The following SGMS2 variants were observed in gnomAD, a reference collection of about 807,000 sequenced individuals.
The protein encoded by SGMS2 is sphingomyelin synthase 2.
In SGMS2, 21 loss-of-function variants were observed where a neutral mutation model predicts 43.8. The ratio of observed to expected loss-of-function variants is 0.48; its 90% confidence interval spans 0.34 to 0.69. SGMS2 has a LOEUF of 0.69. Among genes scored for constraint, SGMS2 ranks in the 30% least tolerant of loss-of-function variants. The pLI is 0.01. For synonymous variants in SGMS2, 167 were observed against 160.6 expected, an observed-to-expected ratio of 1.04 and a Z score of -0.30; for missense variants, 384 against 443.2, an observed-to-expected ratio of 0.87 and a Z score of 1.20.
At chr4:107,883,443 T>TA (rs1455611749) in intron 2 of SGMS2, among the ~76,000 whole-genome samples, 1 of 152,210 alleles carries the variant, frequency 6.6e-6, no homozygotes, top group African/African-American at 2.4e-5. Context: ...GCCTCCCAAG[T>TA]AGCTGGGACT....
At chr4:107,880,384 G>C (rs6854068) in intron 2 of SGMS2, among the ~76,000 whole-genome samples, 91,136 of 151,932 alleles carry the variant, frequency 0.6, 27,772 homozygotes, top group African/African-American at 0.68. Context: ...TTGGTAAGCA[G>C]TGGATCTCCT....
In SGMS2 at chr4:107,895,486, A is replaced by C. The variant is rs1578638013; in HGVS notation, c.-68A>C. 5.4e-6 allele frequency: 8 copies of C among 1,492,286 alleles called. No homozygotes were observed. The East Asian group carries it at 1.6e-4, about 30-fold the overall frequency. 92.4% of individuals were successfully genotyped at this position (1,492,286 alleles called of 1,614,324 possible). A position where few individuals can be genotyped will look rare whatever the true frequency, so the allele number is the denominator to read the frequency against. On this transcript the variant is annotated 5_prime_UTR_variant, in exon 3 of 7. Transcript: ENST00000690982. ...TTGATCTTGGAAATAGAAGGATTGA[A>C]AAAAGCTAAATTTCCACAAAGAACA...
chr4:107,849,026 T>G (rs1201605736), intron 1 of SGMS2, among the ~76,000 whole-genome samples: 1 of 151,852 alleles, frequency 6.6e-6, no homozygotes, highest in Non-Finnish European at 1.5e-5. Flanking sequence ...CTAGATTCAT[T>G]TTTTTTTACA....
chr4:107,875,754 T>A (rs1728870871), intron 2 of SGMS2, among the ~76,000 whole-genome samples: 1 of 152,226 alleles, frequency 6.6e-6, no homozygotes, highest in Admixed American at 6.5e-5. Flanking sequence ...GTTTATTACT[T>A]CATTTGTGGA....
intron 3 of SGMS2, among the ~76,000 whole-genome samples, chr4:107,898,922 A>G (rs1456363772): frequency 6.6e-6 from 1 of 152,194 alleles, no homozygotes; most frequent in African/African-American, 2.4e-5. Context: ...CAGCTTACAC[A>G]TTCACTATTA....
intron 1 of SGMS2, among the ~76,000 whole-genome samples, chr4:107,830,103 TC>T (rs1725805313): frequency 6.6e-6 from 1 of 152,168 alleles, no homozygotes; most frequent in Admixed American, 6.5e-5. Context: ...AGTGTTTAGC[TC>T]CCACTTATAA....
rs1732047649 is a variant in SGMS2 at position 107,910,616 on chromosome 4, T to C, written c.*63T>C. Reference sequence around the variant, plus strand: ...GTTAACGCTGTAACCAAAGGTATAGTTTTGTTTTTTATTTTAGGAGAACTG... The same window carrying C: ...GTTAACGCTGTAACCAAAGGTATAGCTTTGTTTTTTATTTTAGGAGAACTG... On this transcript the variant is annotated 3_prime_UTR_variant, in exon 7 of 7. Coordinates refer to ENST00000690982, the MANE Select transcript of SGMS2 (RefSeq NM_001375905.1). The C allele has an allele frequency of 6.7e-7, 1 of 1,499,798 alleles. No individual in the cohort carries two copies. Among genetic ancestry groups the C allele is most frequent in the African/African-American group, 1.4e-5 (1 of 70,746 alleles). The allele number at this position is 1,499,798 out of a possible 1,614,324, so 92.9% of individuals were successfully genotyped here. A position where few individuals can be genotyped will look rare whatever the true frequency, so the allele number is the denominator to read the frequency against.
At chr4:107,871,839 T>G (rs1728576938) in intron 2 of SGMS2, among the ~76,000 whole-genome samples, 2 of 152,194 alleles carry the variant, frequency 1.3e-5, no homozygotes, top group South Asian at 4.1e-4. Context: ...GCTTTAACTT[T>G]TATGTCTCCA....
chr4:107,913,060 A>C lies in SGMS2; in HGVS notation c.*2507A>C, dbSNP rs972301769. On this transcript the variant is annotated 3_prime_UTR_variant, in exon 7 of 7. Transcript: ENST00000690982. ...GATATATATATAAACTGAAGATATA[A>C]AACAAGTATGATCTTGCCTTTGAAA... The C allele has an allele frequency of 6.6e-6, 1 of 152,208 alleles. No individual in the cohort carries two copies. Among genetic ancestry groups the C allele is most frequent in the Non-Finnish European group, 1.5e-5 (1 of 68,042 alleles). 9.4% of individuals were successfully genotyped at this position (152,208 alleles called of 1,614,324 possible).
In SGMS2 at chr4:107,834,154, T is replaced by C. The variant is rs1001208099; in HGVS notation, c.-327+8901T>C. Among the ~76,000 whole-genome samples, 6 of 152,360 alleles carry C rather than the reference T, an allele frequency of 3.9e-5. No individual in the cohort carries two copies. In the East Asian group the frequency reaches 9.6e-4, roughly 24 times the overall value. ...AACAAATACAGAGCAATCTGTGTTT[T>C]GATTTGTTCCTTATGCCAGTCCTAG... On this transcript the variant is annotated intron_variant, in intron 1 of 6. Coordinates refer to ENST00000690982, the MANE Select transcript of SGMS2 (RefSeq NM_001375905.1).
intron 1 of SGMS2, among the ~76,000 whole-genome samples, chr4:107,851,875 C>T (rs1727164500): frequency 6.6e-6 from 1 of 151,966 alleles, no homozygotes; most frequent in African/African-American, 2.4e-5. Flanking sequence ...CTATATTTAA[C>T]TGGAGAGGCT....
At chr4:107,840,938 C>A (rs1223195330) in intron 1 of SGMS2, among the ~76,000 whole-genome samples, 4 of 152,310 alleles carry the variant, frequency 2.6e-5, no homozygotes, top group Admixed American at 2.6e-4. Context: ...CAAGCAAGCA[C>A]ATATTTTGTG....
chr4:107,843,783 A>G (rs1212997834), intron 1 of SGMS2, among the ~76,000 whole-genome samples: 1 of 152,202 alleles, frequency 6.6e-6, no homozygotes, highest in Admixed American at 6.5e-5. Flanking sequence ...AGCCCATTGA[A>G]TTCTAGATGT....
At chr4:107,875,874 C>T (rs1728878936) in intron 2 of SGMS2, among the ~76,000 whole-genome samples, 1 of 152,074 alleles carries the variant, frequency 6.6e-6, no homozygotes, top group South Asian at 2.1e-4. Flanking sequence ...TTAATGAAGA[C>T]CCTGCTCTAC....
intron 2 of SGMS2, among the ~76,000 whole-genome samples, chr4:107,892,366 A>G (rs1730303922): frequency 6.6e-6 from 1 of 152,044 alleles, no homozygotes; most frequent in South Asian, 2.1e-4. Flanking sequence ...GGTTTAAGCC[A>G]TAAAGATAGC....
chr4:107,894,805 G>T (rs140669323), intron 2 of SGMS2, among the ~76,000 whole-genome samples: 2 of 152,096 alleles, frequency 1.3e-5, no homozygotes, highest in African/African-American at 4.8e-5. Flanking sequence ...CACTTAAAAA[G>T]ACTTCTGTTT....
At chr4:107,885,833 A>G (rs552923627) in intron 2 of SGMS2, among the ~76,000 whole-genome samples, 6 of 152,334 alleles carry the variant, frequency 3.9e-5, no homozygotes, top group African/African-American at 1.4e-4. Context: ...TAAAAATATG[A>G]TCACTTACTT....
In SGMS2 at chr4:107,895,921, G is replaced by T; in HGVS notation, c.368G>T (p.Arg123Met). 6.2e-7 allele frequency: 1 copy of T among 1,613,940 alleles called. No homozygotes were observed. The highest frequency in any genetic ancestry group is 8.5e-7 in the Non-Finnish European group (1 of 1,179,922). ...GACAAGTTTTTTGATTACATTGATA[G>T]GGTGAAATGGGCATTTTCTGTATCA... The part of the protein sequence containing the change: ...LPDKFFDYID[R>M]VKWAFSVSEI... Residue 123 changes from arginine to methionine, a missense_variant, in exon 3 of 7, where the codon AGG (arginine) becomes ATG (methionine). Coordinates refer to ENST00000690982, the MANE Select transcript of SGMS2 (RefSeq NM_001375905.1).
Position 107,888,099 on chromosome 4 carries a change from C to T in SGMS2, c.-244-7211C>T, listed in dbSNP as rs149177661. On this transcript the variant is annotated intron_variant, in intron 2 of 6. Transcript: ENST00000690982. ...ACGCCCACCTCTTCCACGATAGTTC[C>T]TGGGCCTTGAGGAGTTGAATAGCTT... Among the ~76,000 whole-genome samples the T allele has an allele frequency of 7.9e-5, 12 of 152,230 alleles. No homozygotes were observed. The East Asian group carries it at 1.9e-3, about 25-fold the overall frequency.
Sources: allele counts gnomAD v4.1 joint callset (sites outside exome capture counted in the v4.1 genomes callset), GRCh38; gene constraint gnomAD v4.1.1; transcripts MANE v1.5; gene names NCBI Gene and HGNC (gene_info 2026-07-23, HGNC 2026-07-21).